SPTA1: variants seen among roughly 807,000 people sequenced by gnomAD.
SPTA1 encodes the protein spectrin alpha chain, erythrocytic 1.
Under a neutral mutation model 324.7 loss-of-function variants are expected in SPTA1, and 177 were observed. That is an observed-to-expected ratio of 0.55 (90% CI 0.48 to 0.62). SPTA1 has a LOEUF of 0.62. Ranked by LOEUF, SPTA1 falls within the 20% of genes least tolerant of loss-of-function variation. The probability of loss-of-function intolerance (pLI) is 0.00; values close to 1 mark genes in which losing one functional copy is unlikely to be tolerated. For missense variants in SPTA1, 3,162 were observed against 2,883.6 expected, an observed-to-expected ratio of 1.10 and a Z score of -2.21; for synonymous variants, 1,195 against 1,041.3, an observed-to-expected ratio of 1.15 and a Z score of -2.84.
rs1261490878 is a variant in SPTA1, at chr1:158,620,438, T to C, written c.6149A>G (p.His2050Arg). 1 of 1,613,304 alleles carries C rather than the reference T, an allele frequency of 6.2e-7. No homozygotes were observed. Among genetic ancestry groups the C allele is most frequent in the Non-Finnish European group, 8.5e-7 (1 of 1,180,022 alleles). ...CCAGTTGTTCAAAGCTGAAGCCTTA[T>C]GTGCAAATTCCACGAACAGGTCCTC... ...KAEDLFVEFA[H>R]KASALNNWCE... is the part of the protein sequence containing the mutation. Residue 2050 changes from histidine to arginine, a missense_variant, in exon 44 of 52, where the codon CAT (histidine) becomes CGT (arginine). Physicochemically the swap from His to Arg is conservative, Grantham distance 29. Transcript: ENST00000643759.
Position 158,619,213 on chromosome 1 carries a change from A to G in SPTA1, c.6530+9T>C, listed in dbSNP as rs759343853. ...CAGGGGTCATGGTTTGGGATGTAGC[A>G]TAGCACACCTGGTTTCCAGGATCCA... On this transcript the variant is annotated intron_variant, in intron 45 of 51. Transcript: ENST00000643759. 2 of 1,613,080 alleles carry G rather than the reference A, an allele frequency of 1.2e-6. No individual in the cohort carries two copies. The highest frequency in any genetic ancestry group is 1.1e-5 in the South Asian group (1 of 91,056).
intron 40 of SPTA1, 23 bp from the exon 41 acceptor site, chr1:158,627,030 TA>T: frequency 6.2e-7 from 1 of 1,613,228 alleles, no homozygotes; most frequent in Non-Finnish European, 8.5e-7. Flanking sequence ...GAGAGACAAA[TA>T]TATTTATAAT....
At chr1:158,642,999 T>A in intron 31 of SPTA1, 23 bp from the exon 32 acceptor site, 1 of 1,613,210 alleles carries the variant, frequency 6.2e-7, no homozygotes, top group Non-Finnish European at 8.5e-7. Flanking sequence ...GCCAAATCAC[T>A]CTATGCCCTC....
rs1301043309 is a variant in SPTA1 at position 158,669,400 on chromosome 1, C to A, written c.1833+8G>T. ...TAACTACATCCAGCTCCTGAAAACT[C>A]TGCCTACCTTGTAATCTTCATCATC... is the stretch of plus-strand genomic sequence containing the variant. On this transcript the variant is annotated splice_region_variant and intron_variant, in intron 14 of 51. Transcript: ENST00000643759. 2 of 1,614,092 alleles carry A rather than the reference C, an allele frequency of 1.2e-6. No homozygotes were observed.
At chr1:158,669,346 A>G (rs1653833815) in intron 14 of SPTA1, 62 bp downstream of exon 14, 1 of 1,607,742 alleles carries the variant, frequency 6.2e-7, no homozygotes, top group Non-Finnish European at 8.5e-7. Context: ...TTACTCCAAG[A>G]CTGTACTTCC....
chr1:158,650,945 C>G (rs1482522970), intron 24 of SPTA1, among the ~76,000 whole-genome samples: 2 of 152,124 alleles, frequency 1.3e-5, no homozygotes. Context: ...AATGAAGAGA[C>G]TTGTCTGAGG....
In SPTA1 at chr1:158,615,338, G is replaced by C; in HGVS notation, c.6666C>G (p.Asn2222Lys). ...QLTKIVDLGDNLEDALILDIK... is the reference protein window; with the variant it reads ...QLTKIVDLGDKLEDALILDIK... ...TATCAAGGATCAGAGCGTCTTCCAAGTTGTCCCCCAGGTCCACAATCTTGG... is the reference window on the plus strand; with the variant it reads ...TATCAAGGATCAGAGCGTCTTCCAACTTGTCCCCCAGGTCCACAATCTTGG... The change falls in exon 48 of 52, where the codon AAC becomes AAG. Residue 2222 changes from asparagine (N) to lysine (K), a missense_variant. Transcript: ENST00000643759. The C allele has an allele frequency of 5.0e-6, 8 of 1,614,104 alleles. No individual in the cohort carries two copies. The highest frequency in any genetic ancestry group is 6.8e-6 in the Non-Finnish European group (8 of 1,180,032).
chr1:158,680,789 A>G, intron 4 of SPTA1, 60 bp from the exon 5 acceptor site: 2 of 1,602,126 alleles, frequency 1.2e-6, no homozygotes, highest in Non-Finnish European at 1.7e-6. Flanking sequence ...TGTAGGTCAA[A>G]AACTCAAAAC....
intron 35 of SPTA1, among the ~76,000 whole-genome samples, chr1:158,638,886 A>G (rs1439987412): frequency 3.3e-5 from 5 of 152,066 alleles, no homozygotes; most frequent in Admixed American, 2.0e-4. Context: ...GATTGATTCA[A>G]TATTCAACAA....
chr1:158,668,029 G>T lies in SPTA1; in HGVS notation c.1867C>A (p.Gln623Lys). ...GCCAACTCCTTTTCAAAGACTTGCT[G>T]CTTTTGAACCCTGCTCTTCAAGTTC... ...IQNLKSRVQK[Q>K]QVFEKELAVN... Residue 623 changes from glutamine (Q) to lysine (K), a missense_variant, in exon 15 of 52, where the codon CAG (glutamine) becomes AAG (lysine). Coordinates refer to ENST00000643759, the MANE Select transcript of SPTA1 (RefSeq NM_003126.4). The T allele has an allele frequency of 1.9e-6, 3 of 1,611,520 alleles. No homozygotes were observed. The highest frequency in any genetic ancestry group is 2.5e-6 in the Non-Finnish European group (3 of 1,179,702).
In SPTA1 at chr1:158,645,599, A is replaced by G. The variant is rs1261665181; in HGVS notation, c.3897-5T>C. ...CTGATCCAGTTCTGCAGATCCCTAG[A>G]TAAACAGACACATTGGAATTGACAA... is the stretch of plus-strand genomic sequence containing the variant. On this transcript the variant is annotated splice_region_variant and splice_polypyrimidine_tract_variant and intron_variant, in intron 27 of 51. Coordinates refer to ENST00000643759, the MANE Select transcript of SPTA1 (RefSeq NM_003126.4). The G allele has an allele frequency of 6.2e-7, 1 of 1,613,948 alleles. No homozygotes were observed. Among genetic ancestry groups the G allele is most frequent in the Non-Finnish European group, 8.5e-7 (1 of 1,179,876 alleles).
At chr1:158,642,101 C>G (rs952130253) in intron 33 of SPTA1, among the ~76,000 whole-genome samples, 2 of 149,076 alleles carry the variant, frequency 1.3e-5, no homozygotes, top group African/African-American at 5.1e-5. Flanking sequence ...TAGGTGGGAA[C>G]TGAACAATGA....
rs1284072221 is a variant in SPTA1 at position 158,681,684 on chromosome 1, CA to C, written c.391-18del. 2 of 1,613,358 alleles carry C rather than the reference CA, an allele frequency of 1.2e-6. No individual in the cohort carries two copies. The highest frequency in any genetic ancestry group is 1.7e-6 in the Non-Finnish European group (2 of 1,179,608). ...TATATGGGCCTTTAGGAAAGAGGGG[CA>C]AAACCACTCAGCCACAGACACTGGG... is the stretch of plus-strand genomic sequence containing the variant. On this transcript the variant is annotated intron_variant, in intron 3 of 51. Coordinates refer to ENST00000643759, the MANE Select transcript of SPTA1 (RefSeq NM_003126.4).
Position 158,611,258 on chromosome 1 carries a change from T to A in SPTA1, c.*6A>T, listed in dbSNP as rs747560060. ...AGATTTTCTACGATCCACGAGGAGC[T>A]GCTTATTAGTTGCCAAAGTAGGAAT... On this transcript the variant is annotated 3_prime_UTR_variant, in exon 52 of 52. Coordinates refer to ENST00000643759, the MANE Select transcript of SPTA1 (RefSeq NM_003126.4). 3 of 1,613,482 alleles carry A rather than the reference T, an allele frequency of 1.9e-6. No individual in the cohort carries two copies. Among genetic ancestry groups the A allele is most frequent in the Non-Finnish European group, 2.5e-6 (3 of 1,179,620 alleles).
intron 45 of SPTA1, among the ~76,000 whole-genome samples, chr1:158,618,489 C>T (rs1557922214): frequency 6.6e-6 from 1 of 152,156 alleles, no homozygotes; most frequent in Non-Finnish European, 1.5e-5. Flanking sequence ...CACATTAACC[C>T]TCAAAACACC....
intron 39 of SPTA1, among the ~76,000 whole-genome samples, chr1:158,628,889 A>G (rs1650475819): frequency 6.6e-6 from 1 of 152,086 alleles, no homozygotes; most frequent in South Asian, 2.1e-4. Context: ...AATCATGAAG[A>G]AAGTCCAAAC....
intron 5 of SPTA1, among the ~76,000 whole-genome samples, chr1:158,679,730 G>T (rs557508347): frequency 9.2e-5 from 14 of 152,184 alleles, no homozygotes; most frequent in African/African-American, 3.1e-4. Flanking sequence ...CTGATTCACA[G>T]AGTCATTAAC....
chr1:158,647,705 C>A lies in SPTA1; in HGVS notation c.3730G>T (p.Glu1244Ter). 6.2e-7 allele frequency: 1 copy of A among 1,613,854 alleles called. No individual in the cohort carries two copies. Among genetic ancestry groups the A allele is most frequent in the Non-Finnish European group, 8.5e-7 (1 of 1,179,888 alleles). Residue 1244 changes from glutamate to a stop codon, truncating the protein, a stop_gained, in exon 27 of 52, where the codon GAG becomes TAG. Coordinates refer to ENST00000643759, the MANE Select transcript of SPTA1 (RefSeq NM_003126.4). LOFTEE classifies it high-confidence loss of function. ...GACTCACTGAGCCGCTCTGCTGTCT[C>A]CCCCAGTATGGTCACCTGGGGAGGT... is the stretch of plus-strand genomic sequence containing the variant. The part of the protein sequence containing the change: ...PLGDKVTILG[E>*]TAERLSESHP...
At chr1:158,655,187 G>A (rs1422689441) in intron 20 of SPTA1, among the ~76,000 whole-genome samples, 1 of 151,742 alleles carries the variant, frequency 6.6e-6, no homozygotes, top group African/African-American at 2.4e-5. Flanking sequence ...ACTCCTTCTG[G>A]CCTTTAAGTT....
Sources: gnomAD v4.1 joint callset for allele counts (sites outside exome capture counted in the v4.1 genomes callset) on GRCh38, gnomAD v4.1.1 for gene constraint, MANE v1.5 for transcripts, NCBI Gene and HGNC (gene_info 2026-07-23, HGNC 2026-07-21) for gene names.